Variants in TMEM87B observed in about 807,000 individuals in gnomAD.
TMEM87B encodes the protein transmembrane protein 87B.
In TMEM87B, 83 loss-of-function variants were observed where a neutral mutation model predicts 80.3. The ratio of observed to expected loss-of-function variants is 1.03; its 90% CI spans 0.87 to 1.24. The LOEUF (loss-of-function observed/expected upper bound fraction) is 1.24, where lower values mean the gene tolerates loss of function less well. Ranked by LOEUF, TMEM87B falls within the 50% of genes most tolerant of loss-of-function variation. The pLI is 0.00. For synonymous variants in TMEM87B, 219 were observed against 230.5 expected (o/e 0.95, Z 0.45); for missense variants, 625 against 674.4 (o/e 0.93, Z 0.81).
chr2:112,055,922 C>T (rs890022394), intron 1 of TMEM87B, among the ~76,000 whole-genome samples, 166 bp downstream of exon 1: 1 of 152,138 alleles, frequency 6.6e-6, no homozygotes, highest in African/African-American at 2.4e-5. Flanking sequence ...GAGCGGGGAG[C>T]GGCCCCTCCT....
At chr2:112,068,397 G>C (rs561751065) in intron 4 of TMEM87B, among the ~76,000 whole-genome samples, 1 of 152,142 alleles carries the variant, frequency 6.6e-6, no homozygotes, top group African/African-American at 2.4e-5. Context: ...GTACACATCA[G>C]TGTACTCCTC....
intron 4 of TMEM87B, among the ~76,000 whole-genome samples, chr2:112,071,455 C>A (rs1175233083): frequency 6.6e-6 from 1 of 152,090 alleles, no homozygotes; most frequent in Non-Finnish European, 1.5e-5. Context: ...GCACCTGTGA[C>A]CATGCCCGGC....
intron 2 of TMEM87B, among the ~76,000 whole-genome samples, chr2:112,060,696 C>G (rs909512210): frequency 1.3e-5 from 2 of 151,846 alleles, no homozygotes; most frequent in Non-Finnish European, 2.9e-5. Flanking sequence ...GCCACCACGC[C>G]CAGCTAATTT....
chr2:112,083,079 G>C (rs1573704235), intron 8 of TMEM87B, among the ~76,000 whole-genome samples: 1 of 152,230 alleles, frequency 6.6e-6, no homozygotes, highest in Non-Finnish European at 1.5e-5. Flanking sequence ...TGATCTTGAA[G>C]CATCAAATTT....
At chr2:112,062,760 T>C (rs1457111664) in intron 2 of TMEM87B, among the ~76,000 whole-genome samples, 1 of 152,204 alleles carries the variant, frequency 6.6e-6, no homozygotes, top group Non-Finnish European at 1.5e-5. Flanking sequence ...CAGTAGCCTT[T>C]TGTCTAGGGC....
Position 112,107,514 on chromosome 2 carries a change from G to T in TMEM87B, c.1525-274G>T, listed in dbSNP as rs562238585. ...ATTTTCTATCTTACAAATGAACTTT[G>T]TGTTTTTACTGTGATTTCTCAGGAC... On this transcript the variant is annotated intron_variant, in intron 16 of 18. Transcript: ENST00000283206. Among the ~76,000 whole-genome samples, 11 of 152,062 alleles carry T rather than the reference G, an allele frequency of 7.2e-5. 1 individual carries two copies. The East Asian group carries it at 2.1e-3, about 29-fold the overall frequency.
chr2:112,065,370 G>A (rs1250197618), intron 3 of TMEM87B, among the ~76,000 whole-genome samples: 1 of 151,966 alleles, frequency 6.6e-6, no homozygotes, highest in African/African-American at 2.4e-5. Context: ...TTGCAACTGG[G>A]CAGGGTGGGT....
At chr2:112,103,474 G>A (rs1029425137) in intron 15 of TMEM87B, among the ~76,000 whole-genome samples, 4 of 152,134 alleles carry the variant, frequency 2.6e-5, no homozygotes, top group African/African-American at 4.8e-5. Context: ...AGCAAAAGAC[G>A]TAGAAGATCC....
intron 1 of TMEM87B, among the ~76,000 whole-genome samples, chr2:112,057,167 C>G (rs776903688): frequency 2.0e-5 from 3 of 152,228 alleles, no homozygotes; most frequent in African/African-American, 4.8e-5. Context: ...AAGCCCTTCT[C>G]TCCCAAGAGT....
intron 4 of TMEM87B, among the ~76,000 whole-genome samples, chr2:112,067,896 G>A (rs569785515): frequency 6.6e-6 from 1 of 152,278 alleles, no homozygotes; most frequent in South Asian, 2.1e-4. Context: ...CCCTACCAGT[G>A]TGGGAGCTTA....
Position 112,105,982 on chromosome 2 carries a change from G to A in TMEM87B, c.1451-20G>A, listed in dbSNP as rs1190509649. The A allele has an allele frequency of 6.6e-7, 1 of 1,519,854 alleles. No individual in the cohort carries two copies. Among genetic ancestry groups the A allele is most frequent in the African/African-American group, 1.4e-5 (1 of 70,586 alleles). The allele number at this position is 1,519,854 out of a possible 1,614,324, so 94.1% of individuals were successfully genotyped here. ...TATTATTTTGTGATTTTATATATAT[G>A]TTTATAATGTCTCTCGTAGCCGAAG... On this transcript the variant is annotated intron_variant, in intron 15 of 18. Coordinates refer to ENST00000283206, the MANE Select transcript of TMEM87B (RefSeq NM_032824.3).
At chr2:112,089,340 A>G (rs145330414) in intron 9 of TMEM87B, among the ~76,000 whole-genome samples, 1 of 152,314 alleles carries the variant, frequency 6.6e-6, no homozygotes, top group East Asian at 1.9e-4. Flanking sequence ...ACAGTACCTG[A>G]ATTATATTCA....
intron 8 of TMEM87B, 61 bp downstream of exon 8, chr2:112,081,579 C>T: frequency 1.4e-6 from 2 of 1,465,636 alleles, no homozygotes; most frequent in Non-Finnish European, 1.8e-6. Flanking sequence ...TATTTATGAG[C>T]AGAGCAGTGG....
chr2:112,098,236 G>A (rs572010033), intron 13 of TMEM87B, among the ~76,000 whole-genome samples: 1 of 152,218 alleles, frequency 6.6e-6, no homozygotes, highest in African/African-American at 2.4e-5. Context: ...ATCACAAAAA[G>A]CCCTCTGAAA....
chr2:112,059,481 TATC>T (rs1250687653), intron 1 of TMEM87B, among the ~76,000 whole-genome samples: 1 of 151,978 alleles, frequency 6.6e-6, no homozygotes, highest in Non-Finnish European at 1.5e-5. Flanking sequence ...CAGGAAAGAA[TATC>T]ATGCTTTTCT....
chr2:112,068,431 A>G (rs1573686931), intron 4 of TMEM87B, among the ~76,000 whole-genome samples: 1 of 152,242 alleles, frequency 6.6e-6, no homozygotes, highest in Non-Finnish European at 1.5e-5. Flanking sequence ...AAGGCCAGGC[A>G]CAATGGCTCG....
chr2:112,112,392 C>T (rs534759303), intron 17 of TMEM87B, among the ~76,000 whole-genome samples: 1 of 152,082 alleles, frequency 6.6e-6, no homozygotes. Flanking sequence ...CTGTAAATAC[C>T]GCCTTTCATA....
At position 112,077,230 on chromosome 2, in the gene TMEM87B, C is replaced by T; in HGVS notation, c.540C>T (p.Ile180=). Residue 180 remains isoleucine, a synonymous_variant, in exon 6 of 19, where the codon ATC becomes ATT. Coordinates refer to ENST00000283206, the MANE Select transcript of TMEM87B (RefSeq NM_032824.3). The part of the protein sequence containing the change: ...VARTQKDGFH[I]FIVSIKTENT... ...GAACACAAAAAGATGGGTTTCATAT[C>T]TTTATTGTTTCTATTAAAACGGAGA... 1 of 1,596,848 alleles carries T rather than the reference C, an allele frequency of 6.3e-7. No homozygotes were observed.
chr2:112,067,927 C>T (rs1187762646), intron 4 of TMEM87B, among the ~76,000 whole-genome samples: 2 of 152,120 alleles, frequency 1.3e-5, no homozygotes, highest in Non-Finnish European at 2.9e-5. Context: ...TGATTAACAG[C>T]AGTTGGCTGG....
Sources: allele counts gnomAD v4.1 joint callset (sites outside exome capture counted in the v4.1 genomes callset), GRCh38; gene constraint gnomAD v4.1.1; transcripts MANE v1.5; gene names NCBI Gene and HGNC (gene_info 2026-07-23, HGNC 2026-07-21).